PSKH1: variants seen among roughly 807,000 people sequenced by gnomAD.
PSKH1 encodes the protein protein serine kinase H1.
Under a neutral mutation model 26.7 loss-of-function variants are expected in PSKH1, and 12 were observed. The ratio of observed to expected loss-of-function variants is 0.45; its 90% confidence interval spans 0.29 to 0.73. The LOEUF (loss-of-function observed/expected upper bound fraction) is 0.73, where lower values mean the gene tolerates loss of function less well. Among genes scored for constraint, PSKH1 ranks in the 30% least tolerant of loss-of-function variants. The pLI, the probability that PSKH1 is intolerant of heterozygous loss-of-function variation, is 0.11. For missense variants in PSKH1, 431 were observed against 595.2 expected, an observed-to-expected ratio of 0.72 and a Z score of 2.87; for synonymous variants, 213 against 234.3, an observed-to-expected ratio of 0.91 and a Z score of 0.83.
intron 2 of PSKH1, among the ~76,000 whole-genome samples, chr16:67,916,999 C>G (rs1266416125): frequency 6.6e-6 from 1 of 152,228 alleles, no homozygotes; most frequent in Non-Finnish European, 1.5e-5. Context: ...CCCCCATTCA[C>G]TCTCCACACC....
chr16:67,908,704 A>T lies in PSKH1; in HGVS notation c.-46A>T. The T allele has an allele frequency of 6.6e-7, 1 of 1,512,068 alleles. No homozygotes were observed. The highest frequency in any genetic ancestry group is 9.0e-7 in the Non-Finnish European group (1 of 1,114,426). The allele number at this position is 1,512,068 out of a possible 1,614,324, so 93.7% of individuals were successfully genotyped here. A position where few individuals can be genotyped will look rare whatever the true frequency, so the allele number is the denominator to read the frequency against. Reference sequence around the variant, plus strand: ...GGTGTAGACGGGGCACTGCCTTCAGAGCAGGTCCTGCCAGCCTCGCTGGAG... The same window carrying T: ...GGTGTAGACGGGGCACTGCCTTCAGTGCAGGTCCTGCCAGCCTCGCTGGAG... On this transcript the variant is annotated 5_prime_UTR_variant, in exon 2 of 3. Coordinates refer to ENST00000291041, the MANE Select transcript of PSKH1 (RefSeq NM_006742.3).
chr16:67,922,650 A>C (rs1032402757), intron 2 of PSKH1, among the ~76,000 whole-genome samples: 15 of 152,210 alleles, frequency 9.9e-5, no homozygotes, highest in African/African-American at 3.6e-4. Flanking sequence ...ACTGGAAGGG[A>C]CTTAGAGTTC....
At chr16:67,914,479 G>C (rs1490025262) in intron 2 of PSKH1, among the ~76,000 whole-genome samples, 2 of 148,458 alleles carry the variant, frequency 1.3e-5, no homozygotes, top group African/African-American at 5.0e-5. Context: ...CTTTGAGATG[G>C]AGTCTCGCTC....
At chr16:67,904,821 ATTTTTTTTTT>A (rs942779122) in intron 1 of PSKH1, among the ~76,000 whole-genome samples, 1 of 115,952 alleles carries the variant, frequency 8.6e-6, no homozygotes. Flanking sequence ...TCCTTTTTTA[ATTTTTTTTTT>A]TTTTTTTTTT....
rs2058228149 is a variant in PSKH1 at position 67,928,833 on chromosome 16, C to G, written c.*1191C>G. ...TCCCGGGCTGCTCACCTCTCCCCTTCTGCTGAGCTTCTGCGCACCCCTCCC... is the reference window on the plus strand; with the variant it reads ...TCCCGGGCTGCTCACCTCTCCCCTTGTGCTGAGCTTCTGCGCACCCCTCCC... On this transcript the variant is annotated 3_prime_UTR_variant, in exon 3 of 3. Transcript: ENST00000291041. The surrounding 1 kb of genome is among the most constrained non-coding windows in gnomAD (Gnocchi z 4.8). 6.6e-6 allele frequency: 1 copy of G among 152,446 alleles called. No individual in the cohort carries two copies. Among genetic ancestry groups the G allele is most frequent in the South Asian group, 2.1e-4 (1 of 4,836 alleles). The allele number at this position is 152,446 out of a possible 1,614,324, so 9.4% of individuals were successfully genotyped here.
At chr16:67,905,719 C>T (rs998165963) in intron 1 of PSKH1, among the ~76,000 whole-genome samples, 4 of 151,932 alleles carry the variant, frequency 2.6e-5, no homozygotes, top group Non-Finnish European at 4.4e-5. Flanking sequence ...ATCACCCAGG[C>T]GAGGTGGCAG....
chr16:67,894,566 TC>T (rs1484447351), intron 1 of PSKH1, among the ~76,000 whole-genome samples: 3 of 152,172 alleles, frequency 2.0e-5, no homozygotes, highest in Non-Finnish European at 4.4e-5. Flanking sequence ...AGATGTCACT[TC>T]CTAGGAAAAA....
intron 2 of PSKH1, among the ~76,000 whole-genome samples, chr16:67,924,113 T>C (rs1038084329): frequency 6.6e-6 from 1 of 152,172 alleles, no homozygotes; most frequent in African/African-American, 2.4e-5. Flanking sequence ...CAGCCTGACT[T>C]TCCTCTGTGT....
In PSKH1 at chr16:67,908,970, C is replaced by G; in HGVS notation, c.221C>G (p.Pro74Arg). Residue 74 changes from proline (P) to arginine (R), a missense_variant, in exon 2 of 3, where the codon CCC becomes CGC. Coordinates refer to ENST00000291041, the MANE Select transcript of PSKH1 (RefSeq NM_006742.3). ...CCGACTGCTGGCCACACGGAGCCTCCCTCAGAACCACCACGCAGGGCCAGG... is the reference window on the plus strand; with the variant it reads ...CCGACTGCTGGCCACACGGAGCCTCGCTCAGAACCACCACGCAGGGCCAGG... ...GPPTAGHTEPPSEPPRRARVA... is the reference protein window; with the variant it reads ...GPPTAGHTEPRSEPPRRARVA... 6.2e-7 allele frequency: 1 copy of G among 1,613,974 alleles called. No homozygotes were observed. The highest frequency in any genetic ancestry group is 2.2e-5 in the East Asian group (1 of 44,872).
chr16:67,899,767 C>T (rs1369870800), intron 1 of PSKH1, among the ~76,000 whole-genome samples: 1 of 151,766 alleles, frequency 6.6e-6, no homozygotes, highest in Non-Finnish European at 1.5e-5. Context: ...CCAGCCTCAG[C>T]CTCCCAAGTA....
chr16:67,928,766 A>C lies in PSKH1; in HGVS notation c.*1124A>C, dbSNP rs759440014. ...CCATGGTGCACACCTGTAGTCCTCC[A>C]TGAGGACATGGGAAGGTAGGAGTTG... On this transcript the variant is annotated 3_prime_UTR_variant, in exon 3 of 3. Coordinates refer to ENST00000291041, the MANE Select transcript of PSKH1 (RefSeq NM_006742.3). This position sits in a 1 kb window ranked among gnomAD's most constrained non-coding sequence, Gnocchi z 4.8. 6.6e-6 allele frequency: 1 copy of C among 152,248 alleles called. No homozygotes were observed. 9.4% of individuals were successfully genotyped at this position (152,248 alleles called of 1,614,324 possible). A position where few individuals can be genotyped will look rare whatever the true frequency, so the allele number is the denominator to read the frequency against.
chr16:67,903,245 C>T (rs543429635), intron 1 of PSKH1: 1 of 151,936 alleles, frequency 6.6e-6, no homozygotes, highest in Non-Finnish European at 1.5e-5. Context: ...ACCTCTTGGA[C>T]TGAAGCAGAT....
chr16:67,907,002 T>C (rs1315203795), intron 1 of PSKH1, among the ~76,000 whole-genome samples: 3 of 151,308 alleles, frequency 2.0e-5, no homozygotes, highest in Non-Finnish European at 3.0e-5. Flanking sequence ...CTCACTCTGT[T>C]GCCCAGGCTG....
chr16:67,927,593 G>T lies in PSKH1; in HGVS notation c.1226G>T (p.Arg409Leu). 1 of 1,611,644 alleles carries T rather than the reference G, an allele frequency of 6.2e-7. No homozygotes were observed. Reference protein sequence around the residue: ...RSNKSRRVRERELRELNLRYQ... With the variant: ...RSNKSRRVRELELRELNLRYQ... ...AATAAGTCACGCCGTGTGCGGGAAC[G>T]GGAGCTGCGGGAGCTCAACCTGCGC... is the stretch of plus-strand genomic sequence containing the variant. Residue 409 changes from arginine to leucine, a missense_variant, in exon 3 of 3, where the codon CGG becomes CTG. Physicochemically the swap from Arg to Leu is moderately radical, Grantham distance 102. Coordinates refer to ENST00000291041, the MANE Select transcript of PSKH1 (RefSeq NM_006742.3). This position sits in a 1 kb window ranked among gnomAD's most constrained non-coding sequence, Gnocchi z 5.5.
At position 67,927,207 on chromosome 16, in the gene PSKH1, A is replaced by G. The variant is rs977083887; in HGVS notation, c.958-118A>G. 9 of 1,056,430 alleles carry G rather than the reference A, an allele frequency of 8.5e-6. No homozygotes were observed. Among genetic ancestry groups the G allele is most frequent in the Non-Finnish European group, 9.6e-6 (7 of 725,820 alleles). 65.4% of individuals were successfully genotyped at this position (1,056,430 alleles called of 1,614,324 possible). On this transcript the variant is annotated intron_variant, in intron 2 of 2. Transcript: ENST00000291041. This position sits in a 1 kb window ranked among gnomAD's most constrained non-coding sequence, Gnocchi z 5.5. ...TGGGCGGGGAGGCCCCAAGTGCTAC[A>G]TGAGAGGAGGGGCAGCACCTCTCTC...
In PSKH1 at chr16:67,914,305, A is replaced by G. The variant is rs1345785005; in HGVS notation, c.957+4599A>G. Among the ~76,000 whole-genome samples the G allele has an allele frequency of 2.6e-5, 4 of 151,838 alleles. No individual in the cohort carries two copies. The East Asian group carries it at 7.7e-4, about 29-fold the overall frequency. ...GCTGGGATTACAGGCATGCGCCACCATGCCCAGATATCTAATTTTGTATTT... is the reference window on the plus strand; with the variant it reads ...GCTGGGATTACAGGCATGCGCCACCGTGCCCAGATATCTAATTTTGTATTT... On this transcript the variant is annotated intron_variant, in intron 2 of 2. Transcript: ENST00000291041.
At chr16:67,926,239 C>A (rs2058215997) in intron 2 of PSKH1, among the ~76,000 whole-genome samples, 1 of 152,176 alleles carries the variant, frequency 6.6e-6, no homozygotes, top group Non-Finnish European at 1.5e-5. Context: ...CAAGGACTCA[C>A]CTGGCTGAGC....
rs576451433 is a variant in PSKH1 at position 67,926,208 on chromosome 16, T to C, written c.958-1117T>C. Among the ~76,000 whole-genome samples the C allele has an allele frequency of 8.3e-4, 126 of 152,126 alleles. No homozygotes were observed. In the South Asian group the frequency reaches 0.017, roughly 21 times the overall value. On this transcript the variant is annotated intron_variant, in intron 2 of 2. Transcript: ENST00000291041. ...AGCCTCAGAGCCCGTGCCAGAAGTG[T>C]TCCTAGGAGATGCAGGGACGCAAGG... is the stretch of plus-strand genomic sequence containing the variant.
intron 1 of PSKH1, among the ~76,000 whole-genome samples, chr16:67,898,553 A>G (rs761174986): frequency 7.3e-5 from 11 of 150,508 alleles, no homozygotes. Flanking sequence ...GTCCAGCCTT[A>G]TTTCTGTAAT....
Sources: gnomAD v4.1 joint callset for allele counts (sites outside exome capture counted in the v4.1 genomes callset) on GRCh38, gnomAD v4.1.1 for gene constraint, Gnocchi (gnomAD v3.1) non-coding constraint, MANE v1.5 for transcripts, NCBI Gene and HGNC (gene_info 2026-07-23, HGNC 2026-07-21) for gene names.